PXDNL: variants seen among roughly 807,000 people sequenced by gnomAD.
PXDNL encodes the protein probable oxidoreductase PXDNL.
Under a neutral mutation model 150.8 loss-of-function variants are expected in PXDNL, and 145 were observed. That is an observed-to-expected ratio of 0.96 (90% confidence interval 0.84 to 1.10). The LOEUF is 1.10. Ranked by LOEUF, PXDNL falls within the 50% of genes least tolerant of loss-of-function variation. PXDNL has a pLI of 0.00. For synonymous variants in PXDNL, 757 were observed against 725.7 expected, an observed-to-expected ratio of 1.04 and a Z score of -0.69; for missense variants, 2,087 against 1,873.9, an observed-to-expected ratio of 1.11 and a Z score of -2.10.
intron 4 of PXDNL, among the ~76,000 whole-genome samples, chr8:51,524,723 G>A (rs929465157): frequency 4.6e-5 from 7 of 152,058 alleles, no homozygotes; most frequent in African/African-American, 1.7e-4. Context: ...GAATGTGTCA[G>A]GAAAATGCAT....
At chr8:51,444,335 C>A (rs1809621674) in intron 12 of PXDNL, among the ~76,000 whole-genome samples, 1 of 152,090 alleles carries the variant, frequency 6.6e-6, no homozygotes, top group Admixed American at 6.6e-5. Context: ...ACCTAGGAAA[C>A]CCCCTCAAGG....
At chr8:51,794,417 A>ATCTC (rs1362043819) in intron 1 of PXDNL, among the ~76,000 whole-genome samples, 1 of 152,174 alleles carries the variant, frequency 6.6e-6, no homozygotes, top group Non-Finnish European at 1.5e-5. Context: ...CCTGGAGAGA[A>ATCTC]AGGCCAGGTC....
At position 51,598,446 on chromosome 8, in the gene PXDNL, G is replaced by A. The variant is rs1041314496; in HGVS notation, c.237-5748C>T. Among the ~76,000 whole-genome samples, 9 of 152,208 alleles carry A rather than the reference G, an allele frequency of 5.9e-5. No individual in the cohort carries two copies. The East Asian group carries it at 9.7e-4, about 16-fold the overall frequency. Reference sequence around the variant, plus strand: ...TTGAGAGTTTTCATTATGAAGGGACGTTGAATTTCATCAAAAGCTCTTTCT... The same window carrying A: ...TTGAGAGTTTTCATTATGAAGGGACATTGAATTTCATCAAAAGCTCTTTCT... On this transcript the variant is annotated intron_variant, in intron 2 of 22. Coordinates refer to ENST00000356297, the MANE Select transcript of PXDNL (RefSeq NM_144651.5).
intron 14 of PXDNL, 117 bp downstream of exon 14, chr8:51,423,458 T>A (rs1453899277): frequency 1.4e-6 from 1 of 696,920 alleles, no homozygotes; most frequent in Non-Finnish European, 2.1e-6. Flanking sequence ...ATAAACACAC[T>A]TGACCAGAAA....
intron 10 of PXDNL, among the ~76,000 whole-genome samples, chr8:51,449,893 C>T (rs1382777364): frequency 1.5e-4 from 23 of 152,124 alleles, no homozygotes; most frequent in Non-Finnish European, 1.5e-5. Flanking sequence ...GAATATGAGG[C>T]AAATCCATAC....
intron 1 of PXDNL, among the ~76,000 whole-genome samples, chr8:51,792,466 G>A (rs1205440637): frequency 1.3e-5 from 2 of 152,240 alleles, no homozygotes; most frequent in African/African-American, 2.4e-5. Context: ...TGGGTCCCAA[G>A]CATAGAGCTG....
chr8:51,643,233 A>G (rs998520038), intron 2 of PXDNL, among the ~76,000 whole-genome samples: 1 of 152,188 alleles, frequency 6.6e-6, no homozygotes, highest in African/African-American at 2.4e-5. Flanking sequence ...CCACATTGCC[A>G]AGACAATCCT....
At position 51,504,141 on chromosome 8, in the gene PXDNL, C is replaced by T. The variant is rs144868446; in HGVS notation, c.381-4371G>A. On this transcript the variant is annotated intron_variant, in intron 4 of 22. Transcript: ENST00000356297. Reference sequence around the variant, plus strand: ...TATCTCTTGAATGTATTCCATTCTCCTCTTACCCACTACTTCCACACTAGA... The same window carrying T: ...TATCTCTTGAATGTATTCCATTCTCTTCTTACCCACTACTTCCACACTAGA... Among the ~76,000 whole-genome samples, 170 of 152,248 alleles carry T rather than the reference C, an allele frequency of 1.1e-3. 1 individual carries two copies. The highest frequency in any genetic ancestry group is 3.9e-3 in the African/African-American group (164 of 41,530).
chr8:51,552,125 G>T (rs547431298), intron 4 of PXDNL, among the ~76,000 whole-genome samples: 1 of 152,078 alleles, frequency 6.6e-6, no homozygotes, highest in Non-Finnish European at 1.5e-5. Context: ...ACCACAATGC[G>T]ATACTACCTT....
At chr8:51,381,810 GC>G (rs1312735807) in intron 17 of PXDNL, among the ~76,000 whole-genome samples, 1 of 149,628 alleles carries the variant, frequency 6.7e-6, no homozygotes, top group African/African-American at 2.5e-5. Context: ...CCGTCCCCAC[GC>G]CCAGCTAATT....
chr8:51,704,987 G>T (rs1816345916), intron 1 of PXDNL, among the ~76,000 whole-genome samples: 1 of 152,194 alleles, frequency 6.6e-6, no homozygotes, highest in Non-Finnish European at 1.5e-5. Flanking sequence ...AGCCATTCAA[G>T]TAATGTGAAT....
At chr8:51,419,063 G>A (rs921019945) in intron 14 of PXDNL, among the ~76,000 whole-genome samples, 7 of 152,054 alleles carry the variant, frequency 4.6e-5, no homozygotes, top group African/African-American at 9.7e-5. Context: ...CAAGGTCCTC[G>A]GGGAAAGACC....
chr8:51,606,046 C>G (rs1356139595), intron 2 of PXDNL, among the ~76,000 whole-genome samples: 1 of 151,960 alleles, frequency 6.6e-6, no homozygotes, highest in African/African-American at 2.4e-5. Context: ...CTTGTTATAG[C>G]AACATAAAAT....
chr8:51,767,979 T>C (rs2037249936), intron 1 of PXDNL, among the ~76,000 whole-genome samples: 1 of 152,236 alleles, frequency 6.6e-6, no homozygotes, highest in Admixed American at 6.5e-5. Context: ...TGTTCTTTGT[T>C]TAGGATCTCC....
rs1210186085 is a variant in PXDNL, at chr8:51,504,077, A to G, written c.381-4307T>C. Among the ~76,000 whole-genome samples the G allele has an allele frequency of 3.3e-5, 5 of 152,190 alleles. No individual in the cohort carries two copies. The East Asian group carries it at 9.7e-4, about 29-fold the overall frequency. ...CCCCTCTGTCTCCCTCACTCCCTGT[A>G]TCTTACCCAATTCTGCGTTTTTTAT... On this transcript the variant is annotated intron_variant, in intron 4 of 22. Transcript: ENST00000356297.
At position 51,718,960 on chromosome 8, in the gene PXDNL, C is replaced by T. The variant is rs1157408885; in HGVS notation, c.165-64200G>A. On this transcript the variant is annotated intron_variant, in intron 1 of 22. Coordinates refer to ENST00000356297, the MANE Select transcript of PXDNL (RefSeq NM_144651.5). ...GGAGGGAGGCGGGGGGCAGCCCCCA[C>T]CCGGCCAGCCACCCCATCTGGGAGG... is the stretch of plus-strand genomic sequence containing the variant. Among the ~76,000 whole-genome samples, 3 of 151,834 alleles carry T rather than the reference C, an allele frequency of 2.0e-5. No individual in the cohort carries two copies. The South Asian group carries it at 6.2e-4, about 32-fold the overall frequency.
At chr8:51,413,329 G>GCATTACATTTTTAAATGTAATGC (rs1160993409) in intron 14 of PXDNL, 71 bp from the exon 15 acceptor site, 26 of 841,272 alleles carry the variant, frequency 3.1e-5, no homozygotes, top group East Asian at 1.2e-4. Context: ...TATATGAATG[G>GCATTACATTTTTAAATGTAATGC]CATTACATTT....
At chr8:51,764,611 C>T in intron 1 of PXDNL, among the ~76,000 whole-genome samples, 1 of 151,942 alleles carries the variant, frequency 6.6e-6, no homozygotes. Context: ...GTTAATTCCC[C>T]CATTTACCTT....
intron 4 of PXDNL, among the ~76,000 whole-genome samples, chr8:51,504,897 T>C (rs916686074): frequency 3.9e-5 from 6 of 152,212 alleles, no homozygotes; most frequent in African/African-American, 1.4e-4. Flanking sequence ...GCTTTCTGAG[T>C]TAATATCAGC....
Sources: gnomAD v4.1 joint callset for allele counts (sites outside exome capture counted in the v4.1 genomes callset) on GRCh38, gnomAD v4.1.1 for gene constraint, MANE v1.5 for transcripts, NCBI Gene and HGNC (gene_info 2026-07-23, HGNC 2026-07-21) for gene names.